The following HPSE2 variants were observed in gnomAD, a reference collection of about 807,000 sequenced individuals.
The protein encoded by HPSE2 is heparanase 2 (inactive).
Under a neutral mutation model 60.5 loss-of-function variants are expected in HPSE2, and 38 were observed. The observed-to-expected ratio is 0.63, with a 90% CI of 0.48 to 0.82. HPSE2 has a LOEUF of 0.82. Ranked by LOEUF, HPSE2 falls within the 40% of genes least tolerant of loss-of-function variation. The pLI, the probability that HPSE2 is intolerant of heterozygous loss-of-function variation, is 0.00. For synonymous variants in HPSE2, 295 were observed against 293.2 expected (o/e 1.01, Z -0.06); for missense variants, 713 against 740.4 (o/e 0.96, Z 0.43).
chr10:98,741,754 C>T (rs1949502742), intron 4 of HPSE2, among the ~76,000 whole-genome samples: 1 of 152,114 alleles, frequency 6.6e-6, no homozygotes, highest in Non-Finnish European at 1.5e-5. Context: ...CAAACAAAGC[C>T]TTTGGGCATG....
At chr10:98,914,920 T>C (rs1954075930) in intron 3 of HPSE2, among the ~76,000 whole-genome samples, 1 of 150,866 alleles carries the variant, frequency 6.6e-6, no homozygotes, top group Admixed American at 6.6e-5. Flanking sequence ...TTAAGAAAAA[T>C]CCATTATAAA....
intron 9 of HPSE2, among the ~76,000 whole-genome samples, chr10:98,552,544 G>T (rs1943892979): frequency 6.6e-6 from 1 of 152,116 alleles, no homozygotes; most frequent in South Asian, 2.1e-4. Context: ...AGAATGTATG[G>T]ACCTACAGTA....
At position 98,639,373 on chromosome 10, in the gene HPSE2, A is replaced by C. The variant is rs1946579997; in HGVS notation, c.1098+2474T>G. ...GGTAATTTGTTGCACAGCAAGAGAT[A>C]ATCAGAATAGGAGCCCTGGCTTGAG... is the stretch of plus-strand genomic sequence containing the variant. On this transcript the variant is annotated intron_variant, in intron 7 of 11. Coordinates refer to ENST00000370552, the MANE Select transcript of HPSE2 (RefSeq NM_021828.5). Among the ~76,000 whole-genome samples, 5 of 152,324 alleles carry C rather than the reference A, an allele frequency of 3.3e-5. No homozygotes were observed. The South Asian group carries it at 8.3e-4, about 25-fold the overall frequency.
intron 11 of HPSE2, among the ~76,000 whole-genome samples, chr10:98,481,545 A>T (rs80158695): frequency 6.6e-6 from 1 of 152,318 alleles, no homozygotes; most frequent in East Asian, 1.9e-4. Context: ...AAACAGACGC[A>T]ATGTACATGT....
chr10:99,255,207 T>C, the HPSE2 span, among the ~76,000 whole-genome samples: 2 of 152,162 alleles, frequency 1.3e-5, no homozygotes, highest in Non-Finnish European at 2.9e-5. Context: ...ATCAAATCAC[T>C]AAAAGGGTTT....
At chr10:98,611,020 G>C (rs77452737) in intron 9 of HPSE2, among the ~76,000 whole-genome samples, 1 of 151,728 alleles carries the variant, frequency 6.6e-6, no homozygotes, top group Admixed American at 6.6e-5. Flanking sequence ...CACAAACATC[G>C]CCTACTCCCA....
intron 11 of HPSE2, among the ~76,000 whole-genome samples, chr10:98,463,016 A>G (rs771587371): frequency 1.8e-4 from 27 of 151,668 alleles, no homozygotes; most frequent in Admixed American, 3.3e-4. Context: ...TACTGTACCC[A>G]GAAAGCTTGG....
rs557596649 is a variant in HPSE2, at chr10:99,152,352, C to T, written c.449-7953G>A. Among the ~76,000 whole-genome samples the T allele has an allele frequency of 2.7e-5, 4 of 149,642 alleles. No homozygotes were observed. In the South Asian group the frequency reaches 8.5e-4, roughly 32 times the overall value. On this transcript the variant is annotated intron_variant, in intron 2 of 11. Coordinates refer to ENST00000370552, the MANE Select transcript of HPSE2 (RefSeq NM_021828.5). ...AAAGACTGAGAGAATTTGTTGCTAG[C>T]AGACCTGCAACACAAGAAATATTAA... is the stretch of plus-strand genomic sequence containing the variant.
chr10:98,561,957 T>C (rs956845038), intron 9 of HPSE2, among the ~76,000 whole-genome samples: 1 of 152,244 alleles, frequency 6.6e-6, no homozygotes, highest in Admixed American at 6.5e-5. Flanking sequence ...TGTATAGTAA[T>C]GTCTTAGTCC....
intron 3 of HPSE2, among the ~76,000 whole-genome samples, chr10:98,868,580 T>C (rs1218774387): frequency 2.0e-5 from 3 of 152,136 alleles, no homozygotes; most frequent in African/African-American, 7.2e-5. Flanking sequence ...TTATTACGGA[T>C]TGCATGCCTG....
intron 3 of HPSE2, among the ~76,000 whole-genome samples, chr10:98,994,421 T>C (rs543099470): frequency 6.6e-6 from 1 of 152,280 alleles, no homozygotes; most frequent in South Asian, 2.1e-4. Flanking sequence ...CAGCCCAGCA[T>C]TAAACTCTCA....
intron 5 of HPSE2, among the ~76,000 whole-genome samples, chr10:98,706,108 A>AG (rs5787300): frequency 0.99 from 150,962 of 152,246 alleles, 74,855 homozygotes; most frequent in East Asian, 1. Context: ...TCAGTGGAGG[A>AG]GTTGTGAGAT....
chr10:98,502,963 G>A (rs1942074176), intron 9 of HPSE2, among the ~76,000 whole-genome samples: 1 of 152,192 alleles, frequency 6.6e-6, no homozygotes. Context: ...TGTAATCCCA[G>A]CAGTTTGGGA....
At chr10:99,219,122 C>T (rs976763143) in intron 2 of HPSE2, among the ~76,000 whole-genome samples, 6 of 152,218 alleles carry the variant, frequency 3.9e-5, no homozygotes, top group Non-Finnish European at 8.8e-5. Flanking sequence ...AGGAAGCAGA[C>T]TCCTCCTCCC....
At chr10:98,849,239 A>C (rs1191648278) in intron 3 of HPSE2, among the ~76,000 whole-genome samples, 1 of 152,210 alleles carries the variant, frequency 6.6e-6, no homozygotes, top group Non-Finnish European at 1.5e-5. Context: ...CCAGTTAAAT[A>C]ACTTTCACCA....
At chr10:99,165,081 CAAAA>C (rs56263581) in intron 2 of HPSE2, among the ~76,000 whole-genome samples, 1 of 65,764 alleles carries the variant, frequency 1.5e-5, no homozygotes, top group African/African-American at 6.1e-5. Context: ...GACTCGGTCT[CAAAA>C]AAAAAAAAAA....
At chr10:98,763,816 A>C (rs1235312148) in intron 3 of HPSE2, among the ~76,000 whole-genome samples, 1 of 152,042 alleles carries the variant, frequency 6.6e-6, no homozygotes, top group African/African-American at 2.4e-5. Flanking sequence ...ATTGTGAAGA[A>C]ACTTGCTCTA....
chr10:98,592,329 C>T (rs1945113124), intron 9 of HPSE2, among the ~76,000 whole-genome samples: 1 of 152,198 alleles, frequency 6.6e-6, no homozygotes, highest in Non-Finnish European at 1.5e-5. Flanking sequence ...AATAACCAGC[C>T]TTCTGTCACA....
intron 3 of HPSE2, among the ~76,000 whole-genome samples, chr10:98,904,237 A>G (rs181307080): frequency 1.5e-3 from 231 of 152,212 alleles, no homozygotes; most frequent in Non-Finnish European, 1.5e-3. Context: ...TTTTCCTGTA[A>G]CTGAGAATAA....
Sources: gnomAD v4.1 joint callset for allele counts (sites outside exome capture counted in the v4.1 genomes callset) on GRCh38, gnomAD v4.1.1 for gene constraint, MANE v1.5 for transcripts, NCBI Gene and HGNC (gene_info 2026-07-23, HGNC 2026-07-21) for gene names.